Variants in MED27 observed in about 807,000 individuals in gnomAD.
MED27 encodes mediator complex subunit 27.
A neutral mutation model predicts 38.2 loss-of-function variants in MED27; 30 were observed. That is an observed-to-expected ratio of 0.79 (90% confidence interval 0.59 to 1.07). The LOEUF (loss-of-function observed/expected upper bound fraction) is 1.07, where lower values mean the gene tolerates loss of function less well. MED27 is among the 50% of genes least tolerant of loss of function. The pLI, the probability that MED27 is intolerant of heterozygous loss-of-function variation, is 0.00. For synonymous variants in MED27, 122 were observed against 153.5 expected (o/e 0.79, Z 1.52); for missense variants, 289 against 397.5 (o/e 0.73, Z 2.32).
chr9:132,037,685 C>A (rs1388866391), intron 2 of MED27, among the ~76,000 whole-genome samples: 1 of 152,188 alleles, frequency 6.6e-6, no homozygotes, highest in Non-Finnish European at 1.5e-5. Flanking sequence ...ACCGGAGCTA[C>A]CCTGCTGGTG....
At chr9:132,071,388 G>A (rs965658710) in intron 2 of MED27, among the ~76,000 whole-genome samples, 1 of 151,448 alleles carries the variant, frequency 6.6e-6, no homozygotes, top group African/African-American at 2.4e-5. Flanking sequence ...ACACACACGA[G>A]TAACGCACAC....
intron 4 of MED27, among the ~76,000 whole-genome samples, chr9:131,910,252 A>G (rs1386835213): frequency 6.6e-6 from 1 of 152,168 alleles, no homozygotes; most frequent in Non-Finnish European, 1.5e-5. Context: ...TTACACAACC[A>G]CACAATAAAT....
intron 2 of MED27, among the ~76,000 whole-genome samples, chr9:132,050,128 G>A (rs1236136887): frequency 2.0e-5 from 3 of 152,178 alleles, no homozygotes; most frequent in Non-Finnish European, 4.4e-5. Context: ...AAGGGTTCCG[G>A]CCACAGCTGG....
In MED27 at chr9:131,933,032, T is replaced by C. The variant is rs143612855; in HGVS notation, c.573+6349A>G. Among the ~76,000 whole-genome samples, 51 of 152,244 alleles carry C rather than the reference T, an allele frequency of 3.3e-4. No individual in the cohort carries two copies. In the East Asian group the frequency reaches 6.9e-3, roughly 21 times the overall value. On this transcript the variant is annotated intron_variant, in intron 4 of 7. Transcript: ENST00000292035. ...GACAAAAACCATGCGATCATTTCAATTGATACTGAAAAAACATTTGATAAA... is the reference window on the plus strand; with the variant it reads ...GACAAAAACCATGCGATCATTTCAACTGATACTGAAAAAACATTTGATAAA...
At chr9:131,993,408 C>T (rs964315917) in intron 3 of MED27, among the ~76,000 whole-genome samples, 4 of 152,118 alleles carry the variant, frequency 2.6e-5, no homozygotes, top group East Asian at 1.9e-4. Flanking sequence ...GACACAGAGA[C>T]GCCTGCTCAG....
chr9:132,073,333 A>G (rs1833981986), intron 2 of MED27: 2 of 991,168 alleles, frequency 2.0e-6, no homozygotes, highest in Non-Finnish European at 2.4e-6. Flanking sequence ...GGGGTTGTAA[A>G]TTAAAAATTC....
chr9:131,907,987 G>A (rs1172610081), intron 4 of MED27, among the ~76,000 whole-genome samples: 1 of 148,762 alleles, frequency 6.7e-6, no homozygotes, highest in Non-Finnish European at 1.5e-5. Context: ...CCTGGCAACC[G>A]CCCCGTCTGA....
chr9:131,908,527 T>C (rs368332332), intron 4 of MED27, among the ~76,000 whole-genome samples: 127 of 152,320 alleles, frequency 8.3e-4, no homozygotes, highest in African/African-American at 2.9e-3. Flanking sequence ...TTTTGTTCTG[T>C]ACTAAGAAAA....
intron 3 of MED27, among the ~76,000 whole-genome samples, chr9:131,973,568 G>A (rs1380924851): frequency 1.4e-5 from 2 of 147,410 alleles, no homozygotes; most frequent in Non-Finnish European, 3.0e-5. Context: ...AGCGATTCTA[G>A]AGGCAGAGTT....
chr9:132,027,868 G>A (rs910760460), intron 2 of MED27, among the ~76,000 whole-genome samples: 1 of 152,204 alleles, frequency 6.6e-6, no homozygotes, highest in African/African-American at 2.4e-5. Context: ...GATGCCCAAA[G>A]CTTTGATAAG....
At chr9:131,941,741 G>A (rs1170708482) in intron 3 of MED27, among the ~76,000 whole-genome samples, 1 of 151,264 alleles carries the variant, frequency 6.6e-6, no homozygotes, top group Non-Finnish European at 1.5e-5. Context: ...CATACCGTGA[G>A]GATATGGCAC....
chr9:132,028,179 G>A (rs1832865760), intron 2 of MED27, among the ~76,000 whole-genome samples: 2 of 152,198 alleles, frequency 1.3e-5, no homozygotes, highest in South Asian at 2.1e-4. Flanking sequence ...TCTTCACCCT[G>A]ATCTTTGCAT....
chr9:131,958,125 C>T (rs1270449085), intron 3 of MED27, among the ~76,000 whole-genome samples: 3 of 151,922 alleles, frequency 2.0e-5, no homozygotes, highest in African/African-American at 7.3e-5. Context: ...ATACATAAAA[C>T]TGGTATATTT....
intron 5 of MED27, among the ~76,000 whole-genome samples, chr9:131,893,277 C>T (rs1839258435): frequency 6.6e-6 from 1 of 152,020 alleles, no homozygotes; most frequent in African/African-American, 2.4e-5. Context: ...CAAATGAAGG[C>T]TGTCAGCTCC....
chr9:131,948,654 C>T (rs1830930679), intron 3 of MED27, among the ~76,000 whole-genome samples: 1 of 152,202 alleles, frequency 6.6e-6, no homozygotes, highest in Non-Finnish European at 1.5e-5. Context: ...ACACCCTTCT[C>T]ATCCTAACAC....
intron 2 of MED27, among the ~76,000 whole-genome samples, chr9:132,054,439 A>T (rs1463769996): frequency 6.6e-6 from 1 of 152,200 alleles, no homozygotes; most frequent in African/African-American, 2.4e-5. Flanking sequence ...CTTTTATTTG[A>T]GACAGAGTCT....
chr9:132,039,334 C>T (rs1283549224), intron 2 of MED27, among the ~76,000 whole-genome samples: 1 of 152,200 alleles, frequency 6.6e-6, no homozygotes, highest in African/African-American at 2.4e-5. Flanking sequence ...AAGCTCTGTG[C>T]ACCTCAGTTT....
rs919738261 is a variant in MED27, at chr9:131,997,577, A to G, written c.479+16760T>C. On this transcript the variant is annotated intron_variant, in intron 3 of 7. Transcript: ENST00000292035. The surrounding 1 kb of genome is among the most constrained non-coding windows in gnomAD (Gnocchi z 4.0). ...TCCCCCAGCAGTCCTGCTTCCTCCC[A>G]CTTTCTTTCACAGGGGGTGATCCCT... 6.6e-6 allele frequency among the ~76,000 whole-genome samples: 1 copy of G among 152,060 alleles called. No individual in the cohort carries two copies.
intron 2 of MED27, among the ~76,000 whole-genome samples, chr9:132,053,139 G>A (rs932536066): frequency 2.0e-5 from 3 of 152,148 alleles, no homozygotes; most frequent in Admixed American, 6.5e-5. Context: ...TGTAGTCCCA[G>A]CTACTCGGGA....
Sources: allele counts gnomAD v4.1 joint callset (sites outside exome capture counted in the v4.1 genomes callset), GRCh38; gene constraint gnomAD v4.1.1; non-coding constraint Gnocchi (gnomAD v3.1); transcripts MANE v1.5; gene names NCBI Gene and HGNC (gene_info 2026-07-23, HGNC 2026-07-21).